Variants in RUNX1T1 observed in about 807,000 individuals in gnomAD.
The protein encoded by RUNX1T1 is RUNX1 partner transcriptional co-repressor 1.
In RUNX1T1, 4 loss-of-function variants were observed where a neutral mutation model predicts 62.8. The ratio of observed to expected loss-of-function variants is 0.06; its 90% confidence interval spans 0.03 to 0.15. The LOEUF is 0.15. RUNX1T1 is among the 10% of genes least tolerant of loss of function. The pLI is 1.00. For synonymous variants in RUNX1T1, 291 were observed against 286.0 expected (o/e 1.02, Z -0.18); for missense variants, 508 against 754.3 (o/e 0.67, Z 3.82).
At chr8:92,056,435 T>C (rs2130491448) in intron 1 of RUNX1T1, among the ~76,000 whole-genome samples, 1 of 152,282 alleles carries the variant, frequency 6.6e-6, no homozygotes, top group East Asian at 1.9e-4. Context: ...AAAATTATTT[T>C]CTTCCATGAG....
At chr8:92,033,801 C>T (rs1046421486) in intron 1 of RUNX1T1, among the ~76,000 whole-genome samples, 1 of 152,104 alleles carries the variant, frequency 6.6e-6, no homozygotes, top group African/African-American at 2.4e-5. Flanking sequence ...GAAACCCCGT[C>T]TCCACTAAAA....
chr8:91,958,029 G>C, downstream of RUNX1T1: 1 of 216,506 alleles, frequency 4.6e-6, no homozygotes, highest in Non-Finnish European at 9.3e-6. Context: ...GCAAACCTTA[G>C]GATTGCCTCT....
At chr8:91,960,970 C>A (rs1810313240) in intron 10 of RUNX1T1, among the ~76,000 whole-genome samples, 1 of 152,192 alleles carries the variant, frequency 6.6e-6, no homozygotes, top group African/African-American at 2.4e-5. Context: ...AGAACCATAT[C>A]TATATTGGAT....
At chr8:92,028,611 A>G (rs1284189543) in intron 1 of RUNX1T1, among the ~76,000 whole-genome samples, 1 of 152,222 alleles carries the variant, frequency 6.6e-6, no homozygotes, top group Non-Finnish European at 1.5e-5. Context: ...CTGGTGTTCT[A>G]TTTAAGATCT....
At chr8:91,956,217 G>A (rs1809357742), downstream of RUNX1T1, 1 of 231,120 alleles carries the variant, frequency 4.3e-6, no homozygotes, top group African/African-American at 2.2e-5. Flanking sequence ...ATCTAGGCAA[G>A]CCAAGCTCTC....
intron 1 of RUNX1T1, among the ~76,000 whole-genome samples, chr8:92,061,892 C>T (rs531273633): frequency 6.6e-6 from 1 of 152,346 alleles, no homozygotes. Context: ...AGAGCCTTCA[C>T]TGGCAACGAT....
At chr8:92,070,910 ACAC>A (rs1301490817) in intron 2 of RUNX1T1, among the ~76,000 whole-genome samples, 1 of 152,180 alleles carries the variant, frequency 6.6e-6, no homozygotes, top group African/African-American at 2.4e-5. Flanking sequence ...TTTGCAGGAA[ACAC>A]CACCACCACC....
chr8:92,029,269 A>T (rs1456188697), intron 1 of RUNX1T1, among the ~76,000 whole-genome samples: 3 of 152,206 alleles, frequency 2.0e-5, no homozygotes, highest in Non-Finnish European at 4.4e-5. Flanking sequence ...GCCAAATGAG[A>T]TGTTCATTTC....
chr8:92,088,211 C>A (rs765254367), intron 1 of RUNX1T1, among the ~76,000 whole-genome samples: 2 of 152,224 alleles, frequency 1.3e-5, no homozygotes, highest in Non-Finnish European at 2.9e-5. Context: ...AGGAGGATTA[C>A]TATGTCAGTC....
At chr8:92,030,256 A>G (rs1825978438) in intron 1 of RUNX1T1, among the ~76,000 whole-genome samples, 1 of 152,116 alleles carries the variant, frequency 6.6e-6, no homozygotes, top group African/African-American at 2.4e-5. Context: ...AGAGCTTACC[A>G]CAACTGTTGT....
At position 92,060,196 on chromosome 8, in the gene RUNX1T1, A is replaced by C. The variant is rs569427800; in HGVS notation, c.7+2350T>G. Among the ~76,000 whole-genome samples, 8 of 152,186 alleles carry C rather than the reference A, an allele frequency of 5.3e-5. No homozygotes were observed. In the South Asian group the frequency reaches 1.7e-3, roughly 32 times the overall value. On this transcript the variant is annotated intron_variant, in intron 1 of 10. Transcript: ENST00000396218. ...CAAAAGTGACAGGTAGTAAAATGATATTTCTTTATAATGAGTTAAACAATT... is the reference window on the plus strand; with the variant it reads ...CAAAAGTGACAGGTAGTAAAATGATCTTTCTTTATAATGAGTTAAACAATT...
intron 1 of RUNX1T1, among the ~76,000 whole-genome samples, chr8:92,031,890 G>A (rs946024281): frequency 2.0e-5 from 3 of 151,772 alleles, no homozygotes; most frequent in South Asian, 4.2e-4. Flanking sequence ...CCGGGAGTTC[G>A]AGAACAGCCT....
chr8:91,973,740 T>C (rs1813335501), intron 9 of RUNX1T1, among the ~76,000 whole-genome samples: 1 of 152,032 alleles, frequency 6.6e-6, no homozygotes, highest in African/African-American at 2.4e-5. Context: ...GCCTTGACAC[T>C]GAACACTAGA....
upstream of RUNX1T1, among the ~76,000 whole-genome samples, chr8:92,101,306 A>G (rs1019886198): frequency 2.0e-5 from 3 of 152,308 alleles, no homozygotes; most frequent in Non-Finnish European, 4.4e-5. Context: ...CTCTGGGCAG[A>G]TTAATTAAGA....
At chr8:92,074,474 A>G (rs948444587) in intron 2 of RUNX1T1, among the ~76,000 whole-genome samples, 16 of 152,218 alleles carry the variant, frequency 1.1e-4, no homozygotes, top group African/African-American at 3.4e-4. Flanking sequence ...ATATTAATAC[A>G]AACTCCACGC....
At chr8:92,066,634 T>C (rs1261746488), upstream of RUNX1T1, among the ~76,000 whole-genome samples, 4 of 152,196 alleles carry the variant, frequency 2.6e-5, no homozygotes, top group Middle Eastern at 3.2e-3. Flanking sequence ...CAACACCTAA[T>C]AAAAATGTAC....
At chr8:91,995,832 C>T (rs1337688610) in intron 5 of RUNX1T1, among the ~76,000 whole-genome samples, 1 of 152,110 alleles carries the variant, frequency 6.6e-6, no homozygotes, top group Non-Finnish European at 1.5e-5. Flanking sequence ...TCACTGTCCA[C>T]AAAAATAAAG....
chr8:91,971,990 T>TATTAAA (rs1263335693), intron 9 of RUNX1T1, among the ~76,000 whole-genome samples: 18 of 152,172 alleles, frequency 1.2e-4, no homozygotes, highest in Non-Finnish European at 7.4e-5. Context: ...AATTGAAAAT[T>TATTAAA]TAATAAGCAG....
At chr8:91,958,617 A>C (rs1377078934), downstream of RUNX1T1, 1 of 182,486 alleles carries the variant, frequency 5.5e-6, no homozygotes, top group African/African-American at 2.4e-5. Context: ...TATTTTTTTA[A>C]AAAAGTCCCT....
Sources: gnomAD v4.1 joint callset for allele counts (sites outside exome capture counted in the v4.1 genomes callset) on GRCh38, gnomAD v4.1.1 for gene constraint, MANE v1.5 for transcripts, NCBI Gene and HGNC (gene_info 2026-07-23, HGNC 2026-07-21) for gene names.